AP2A2: variants seen among roughly 807,000 people sequenced by gnomAD.
AP2A2 encodes AP-2 complex subunit alpha-2.
A neutral mutation model predicts 104.2 loss-of-function variants in AP2A2; 32 were observed. The observed-to-expected ratio is 0.31, with a 90% CI of 0.23 to 0.41. The LOEUF (loss-of-function observed/expected upper bound fraction) is 0.41, where lower values mean the gene tolerates loss of function less well. Among genes scored for constraint, AP2A2 ranks in the 10% least tolerant of loss-of-function variants. The pLI is 1.00. For synonymous variants in AP2A2, 539 were observed against 533.3 expected (o/e 1.01, Z -0.15); for missense variants, 912 against 1,261.0 (o/e 0.72, Z 4.19).
In AP2A2 at chr11:976,119, C is replaced by T. The variant is rs543522625; in HGVS notation, c.474-976C>T. Among the ~76,000 whole-genome samples the T allele has an allele frequency of 4.6e-5, 7 of 152,296 alleles. No homozygotes were observed. In the South Asian group the frequency reaches 8.3e-4, roughly 18 times the overall value. On this transcript the variant is annotated intron_variant, in intron 4 of 21. Coordinates refer to ENST00000448903, the MANE Select transcript of AP2A2 (RefSeq NM_012305.4). ...GCTGGCGCCTGGAACACACCCCTGACGTGGCCTCGACCACACATCCACATG... is the reference window on the plus strand; with the variant it reads ...GCTGGCGCCTGGAACACACCCCTGATGTGGCCTCGACCACACATCCACATG...
chr11:1,001,392 C>T (rs954538440), intron 15 of AP2A2: 22 of 152,358 alleles, frequency 1.4e-4, no homozygotes, highest in African/African-American at 5.1e-4. Context: ...ACGCCTCTCC[C>T]CTGCTGCCCT....
chr11:997,907 A>AAAAAT (rs769688738), intron 14 of AP2A2, among the ~76,000 whole-genome samples: 18 of 152,344 alleles, frequency 1.2e-4, no homozygotes, highest in Admixed American at 2.0e-4. Flanking sequence ...TCGGTCTCAA[A>AAAAAT]AAAATAAAAT....
intron 15 of AP2A2, among the ~76,000 whole-genome samples, chr11:1,002,305 C>T (rs1040351362): frequency 5.9e-5 from 9 of 152,374 alleles, no homozygotes; most frequent in African/African-American, 2.2e-4. Flanking sequence ...CGTGGACCTC[C>T]GCCTCGGCCG....
chr11:953,549 C>T (rs1441290671), intron 1 of AP2A2, among the ~76,000 whole-genome samples: 2 of 111,612 alleles, frequency 1.8e-5, no homozygotes, highest in African/African-American at 5.7e-5. Context: ...GTAAGAGCCC[C>T]CCCCCCCCAT....
chr11:962,005 G>A (rs7396590), intron 2 of AP2A2, among the ~76,000 whole-genome samples: 70,810 of 145,442 alleles, frequency 0.49, 17,093 homozygotes, highest in Middle Eastern at 0.64. Context: ...AGTAAAGGGC[G>A]GAAGCAGATG....
chr11:971,808 C>T (rs1001406406), intron 3 of AP2A2, among the ~76,000 whole-genome samples: 4 of 152,184 alleles, frequency 2.6e-5, no homozygotes, highest in Non-Finnish European at 2.9e-5. Flanking sequence ...GCATCTGGCT[C>T]GTGGCACGCT....
chr11:983,551 T>G (rs892438826), intron 6 of AP2A2, among the ~76,000 whole-genome samples: 1 of 149,870 alleles, frequency 6.7e-6, no homozygotes, highest in Non-Finnish European at 1.5e-5. Flanking sequence ...CCTGGCTAAT[T>G]TTTTGTATTT....
At position 969,219 on chromosome 11, in the gene AP2A2, CCTTTTTT is replaced by C. The variant is rs1433896570; in HGVS notation, c.137-949_137-943del. Reference sequence around the variant, plus strand: ...GAAACTCCTGGCAATGTAGAACAGCCCTTTTTTTTTTTTTTTTTTTTTTTTTTTGAGA... The same window carrying C: ...GAAACTCCTGGCAATGTAGAACAGCCTTTTTTTTTTTTTTTTTTTTTGAGA... On this transcript the variant is annotated intron_variant, in intron 2 of 21. Transcript: ENST00000448903. Among the ~76,000 whole-genome samples the C allele has an allele frequency of 2.0e-4, 22 of 112,808 alleles. 3 individuals are homozygous for C. The highest frequency in any genetic ancestry group is 3.3e-4 in the African/African-American group (10 of 30,460). The allele number at this position is 112,808 out of a possible 152,430, so 74.0% of individuals were successfully genotyped here. A position where few individuals can be genotyped will look rare whatever the true frequency, so the allele number is the denominator to read the frequency against.
intron 1 of AP2A2, among the ~76,000 whole-genome samples, chr11:931,959 C>T (rs140916465): frequency 0.011 from 1,597 of 151,874 alleles, 40 homozygotes; most frequent in Admixed American, 0.056. Flanking sequence ...CCACCACGCC[C>T]GGCTAATTTT....
chr11:1,001,601 G>T (rs1856032793), intron 15 of AP2A2, among the ~76,000 whole-genome samples: 1 of 152,186 alleles, frequency 6.6e-6, no homozygotes, highest in South Asian at 2.1e-4. Flanking sequence ...CGGCGTGGTG[G>T]TGGGTGCAGG....
intron 1 of AP2A2, among the ~76,000 whole-genome samples, chr11:930,014 C>T (rs1049572092): frequency 3.3e-5 from 5 of 149,528 alleles, no homozygotes; most frequent in African/African-American, 4.9e-5. Context: ...CCAGCTACTC[C>T]GGGGGCTGAG....
chr11:964,363 G>A (rs145655041), intron 2 of AP2A2, among the ~76,000 whole-genome samples: 15 of 152,356 alleles, frequency 9.8e-5, no homozygotes, highest in African/African-American at 3.6e-4. Flanking sequence ...CTGACCTGGA[G>A]TTCTGGGGCT....
chr11:1,003,589 C>G (rs1385951096), intron 15 of AP2A2, 133 bp from the exon 16 acceptor site: 1 of 556,160 alleles, frequency 1.8e-6, no homozygotes, highest in African/African-American at 2.0e-5. Context: ...GGAATAGTTT[C>G]CACTTTTTTC....
Position 933,467 on chromosome 11 carries a change from C to T in AP2A2, c.67+7379C>T, listed in dbSNP as rs539515352. 1.4e-3 allele frequency: 651 copies of T among 450,290 alleles called. 7 individuals are homozygous for T. Among genetic ancestry groups the T allele is most frequent in the South Asian group, 9.8e-3 (628 of 64,338 alleles). 27.9% of individuals were successfully genotyped at this position (450,290 alleles called of 1,614,324 possible). The stretch of plus-strand genomic sequence containing the variant: ...GTGCAGTTTTGTCACGAGAGAATTT[C>T]CGGGTGGGTGGGATAGGTTGAGGTG... On this transcript the variant is annotated intron_variant, in intron 1 of 21. Coordinates refer to ENST00000448903, the MANE Select transcript of AP2A2 (RefSeq NM_012305.4).
chr11:975,718 C>T (rs527915220), intron 4 of AP2A2, among the ~76,000 whole-genome samples: 1 of 147,260 alleles, frequency 6.8e-6, no homozygotes, highest in South Asian at 2.2e-4. Context: ...GAGCCGACGT[C>T]GGCGAGTAGC....
chr11:1,008,096 C>T lies in AP2A2; in HGVS notation c.2381C>T (p.Ser794Phe). The change falls in exon 18 of 22, where the codon TCC becomes TTC. Residue 794 changes from serine to phenylalanine, a missense_variant. This residue lies in a region of AP2A2 where 239 missense variants were observed against 329.8 expected (regional missense o/e 0.72). Coordinates refer to ENST00000448903, the MANE Select transcript of AP2A2 (RefSeq NM_012305.4). ...VQQVVNIECV[S>F]DFTEAPVLNI... ...CAGGTGGTCAACATAGAGTGCGTGT[C>T]CGACTTCACGGAGGCGCCAGTCCTC... The T allele has an allele frequency of 6.2e-7, 1 of 1,605,304 alleles. No homozygotes were observed. Among genetic ancestry groups the T allele is most frequent in the Non-Finnish European group, 8.5e-7 (1 of 1,176,700 alleles).
intron 9 of AP2A2, among the ~76,000 whole-genome samples, chr11:987,288 T>A (rs1236128324): frequency 6.6e-6 from 1 of 152,146 alleles, no homozygotes; most frequent in Non-Finnish European, 1.5e-5. Flanking sequence ...AAAGATGAAA[T>A]TTTTTTCCCT....
At chr11:990,099 C>T in intron 10 of AP2A2, among the ~76,000 whole-genome samples, 1 of 152,106 alleles carries the variant, frequency 6.6e-6, no homozygotes, top group Non-Finnish European at 1.5e-5. Context: ...GGCTTCAATG[C>T]TGAGGGGTGA....
At chr11:981,336 G>A in intron 6 of AP2A2, 37 bp downstream of exon 6, 1 of 1,488,396 alleles carries the variant, frequency 6.7e-7, no homozygotes, top group Non-Finnish European at 9.3e-7. Context: ...GTCAGGGTGG[G>A]TTTTGTCTTA....
Sources: allele counts gnomAD v4.1 joint callset (sites outside exome capture counted in the v4.1 genomes callset), GRCh38; gene constraint gnomAD v4.1.1; regional missense constraint gnomAD v4.1.1; transcripts MANE v1.5; gene names NCBI Gene and HGNC (gene_info 2026-07-23, HGNC 2026-07-21).